CPXM2: variants seen among roughly 807,000 people sequenced by gnomAD.
The protein encoded by CPXM2 is inactive carboxypeptidase-like protein X2.
In CPXM2, 66 loss-of-function variants were observed where a neutral mutation model predicts 86.1. That is an observed-to-expected ratio of 0.77 (90% CI 0.63 to 0.94). The LOEUF (loss-of-function observed/expected upper bound fraction) is 0.94. Ranked by LOEUF, CPXM2 falls within the 40% of genes least tolerant of loss-of-function variation. The probability of loss-of-function intolerance (pLI) is 0.00; values close to 1 mark genes in which losing one functional copy is unlikely to be tolerated. For missense variants in CPXM2, 948 were observed against 1,026.3 expected (o/e 0.92, Z 1.04); for synonymous variants, 388 against 400.2 (o/e 0.97, Z 0.36).
intron 2 of CPXM2, among the ~76,000 whole-genome samples, chr10:123,878,290 T>TTC (rs1564809529): frequency 3.4e-4 from 46 of 136,074 alleles, no homozygotes; most frequent in Admixed American, 9.8e-4. Context: ...CCCCCTTTTT[T>TTC]TCTCTCTTTT....
intron 2 of CPXM2, among the ~76,000 whole-genome samples, chr10:123,902,695 C>G (rs1457765749): frequency 1.3e-5 from 2 of 152,160 alleles, no homozygotes; most frequent in African/African-American, 4.8e-5. Context: ...ATGCGGGCTC[C>G]TCCCTCATGA....
chr10:123,846,326 G>A (rs932762934), intron 3 of CPXM2, among the ~76,000 whole-genome samples: 2 of 152,116 alleles, frequency 1.3e-5, no homozygotes, highest in Non-Finnish European at 2.9e-5. Context: ...AGATCATCAG[G>A]CATTAGATTC....
chr10:123,809,037 A>C (rs1847637098), intron 4 of CPXM2, among the ~76,000 whole-genome samples: 1 of 152,092 alleles, frequency 6.6e-6, no homozygotes, highest in Non-Finnish European at 1.5e-5. Context: ...GTGAAATAGC[A>C]CGGCATCCTA....
chr10:123,902,786 A>G (rs910790453), intron 2 of CPXM2, among the ~76,000 whole-genome samples: 3 of 152,188 alleles, frequency 2.0e-5, no homozygotes, highest in African/African-American at 7.2e-5. Flanking sequence ...GACAGGGGAA[A>G]CACAAACATT....
intron 4 of CPXM2, among the ~76,000 whole-genome samples, chr10:123,802,370 A>G (rs1040041363): frequency 3.9e-5 from 6 of 152,344 alleles, no homozygotes; most frequent in Non-Finnish European, 8.8e-5. Flanking sequence ...CTGCCGAAAT[A>G]AGCGTGATCA....
At chr10:123,768,472 A>G in intron 9 of CPXM2, 54 bp downstream of exon 9, 1 of 1,460,882 alleles carries the variant, frequency 6.8e-7, no homozygotes, top group Non-Finnish European at 9.4e-7. Flanking sequence ...CATACTCTGG[A>G]GCTGGGGCCT....
At chr10:123,815,342 C>T (rs1290030194) in intron 4 of CPXM2, among the ~76,000 whole-genome samples, 1 of 152,172 alleles carries the variant, frequency 6.6e-6, no homozygotes, top group Admixed American at 6.5e-5. Context: ...AAGCTCTCAT[C>T]ATGTGAGTGG....
chr10:123,854,374 A>AT (rs1848666279), intron 3 of CPXM2, among the ~76,000 whole-genome samples: 1 of 83,084 alleles, frequency 1.2e-5, no homozygotes, highest in African/African-American at 5.4e-5. Flanking sequence ...ATATATATAT[A>AT]ATATATATAT....
rs1308630622 is a variant in CPXM2, at chr10:123,885,869, G to A, written c.304+5487C>T. Among the ~76,000 whole-genome samples the A allele has an allele frequency of 6.6e-6, 1 of 152,228 alleles. No homozygotes were observed. The highest frequency in any genetic ancestry group is 6.5e-5 in the Admixed American group (1 of 15,288). ...AGGTGCCATGAGCTCTAGCAGCCATGGACACTTGAGGCATACAGAAAACAC... is the reference window on the plus strand; with the variant it reads ...AGGTGCCATGAGCTCTAGCAGCCATAGACACTTGAGGCATACAGAAAACAC... On this transcript the variant is annotated intron_variant, in intron 1 of 13. Coordinates refer to ENST00000241305, the MANE Select transcript of CPXM2 (RefSeq NM_198148.3). The surrounding 1 kb of genome is among the most constrained non-coding windows in gnomAD (Gnocchi z 4.0).
chr10:123,840,046 C>T (rs1848356560), intron 4 of CPXM2, among the ~76,000 whole-genome samples: 1 of 152,210 alleles, frequency 6.6e-6, no homozygotes, highest in Non-Finnish European at 1.5e-5. Context: ...GAGCTTTATA[C>T]CTACCTTTCA....
intron 2 of CPXM2, among the ~76,000 whole-genome samples, chr10:123,870,932 G>A (rs1944884552): frequency 6.6e-6 from 1 of 152,154 alleles, no homozygotes; most frequent in South Asian, 2.1e-4. Context: ...TGCAAACCTG[G>A]CTGGGGTCTT....
At chr10:123,820,017 G>T (rs1309251480) in intron 4 of CPXM2, among the ~76,000 whole-genome samples, 1 of 152,150 alleles carries the variant, frequency 6.6e-6, no homozygotes, top group African/African-American at 2.4e-5. Flanking sequence ...GACTGGCCTA[G>T]CCTCCCAGCC....
At chr10:123,752,382 A>T (rs1846098498) in intron 13 of CPXM2, 1 of 984,954 alleles carries the variant, frequency 1.0e-6, no homozygotes, top group South Asian at 4.7e-5. Context: ...AATATTATTG[A>T]GCAAAGAAAT....
chr10:123,772,815 T>TTCCCTGGTTGTGGTTATCACC (rs1233359369), intron 7 of CPXM2, among the ~76,000 whole-genome samples: 7 of 149,302 alleles, frequency 4.7e-5, no homozygotes, highest in African/African-American at 1.5e-4. Context: ...TGGCTATCAC[T>TTCCCTGGTTGTGGTTATCACC]TCCCTGGTTG....
At chr10:123,764,039 C>A (rs982205893) in intron 10 of CPXM2, among the ~76,000 whole-genome samples, 10 of 152,196 alleles carry the variant, frequency 6.6e-5, no homozygotes, top group Admixed American at 2.6e-4. Context: ...ATCTGCGTTT[C>A]CTTAGTACTA....
At chr10:123,794,883 C>T (rs1301304581) in intron 6 of CPXM2, among the ~76,000 whole-genome samples, 1 of 151,860 alleles carries the variant, frequency 6.6e-6, no homozygotes, top group Non-Finnish European at 1.5e-5. Flanking sequence ...GATTCTTGTG[C>T]CTCACCCTCC....
intron 2 of CPXM2, among the ~76,000 whole-genome samples, chr10:123,934,044 G>T (rs932020107): frequency 1.3e-5 from 2 of 152,168 alleles, no homozygotes; most frequent in African/African-American, 4.8e-5. Context: ...TGCTCCTGGA[G>T]CCGGGGTAAG....
chr10:123,787,531 G>T (rs10902812), intron 6 of CPXM2, among the ~76,000 whole-genome samples: 44,834 of 151,846 alleles, frequency 0.3, 7,042 homozygotes, highest in East Asian at 0.51. Flanking sequence ...ACGGGGTTTC[G>T]CCATGTTGGC....
At chr10:123,782,840 C>T (rs1426138344) in intron 6 of CPXM2, among the ~76,000 whole-genome samples, 1 of 152,166 alleles carries the variant, frequency 6.6e-6, no homozygotes, top group East Asian at 1.9e-4. Flanking sequence ...TTCTAAGTCA[C>T]AGGATGAGAT....
Sources: allele counts gnomAD v4.1 joint callset (sites outside exome capture counted in the v4.1 genomes callset), GRCh38; gene constraint gnomAD v4.1.1; non-coding constraint Gnocchi (gnomAD v3.1); transcripts MANE v1.5; gene names NCBI Gene and HGNC (gene_info 2026-07-23, HGNC 2026-07-21).